IBTK: variants seen among roughly 807,000 people sequenced by gnomAD.
IBTK encodes the protein inhibitor of Bruton tyrosine kinase.
Under a neutral mutation model 154.9 loss-of-function variants are expected in IBTK, and 83 were observed. That is an observed-to-expected ratio of 0.54 (90% CI 0.45 to 0.64). IBTK has a LOEUF of 0.64. Ranked by LOEUF, IBTK falls within the 30% of genes least tolerant of loss-of-function variation. The pLI, the probability that IBTK is intolerant of heterozygous loss-of-function variation, is 0.00. For missense variants in IBTK, 1,332 were observed against 1,584.6 expected, an observed-to-expected ratio of 0.84 and a Z score of 2.71; for synonymous variants, 515 against 536.1, an observed-to-expected ratio of 0.96 and a Z score of 0.54.
chr6:82,234,867 T>C (rs1186799883), intron 2 of IBTK, among the ~76,000 whole-genome samples: 3 of 152,088 alleles, frequency 2.0e-5, no homozygotes, highest in African/African-American at 4.8e-5. Context: ...TGTGAACTTT[T>C]TTTTGCAGGG....
At chr6:82,215,977 A>C in intron 11 of IBTK, 99 bp downstream of exon 11, 1 of 795,514 alleles carries the variant, frequency 1.3e-6, no homozygotes, top group Non-Finnish European at 2.0e-6. Flanking sequence ...AGGTCTTGGC[A>C]ACAGCTCTTC....
chr6:82,225,561 A>G lies in IBTK; in HGVS notation c.741T>C (p.Asp247=). Residue 247 remains aspartate (D), a synonymous_variant, in exon 6 of 29, where the codon GAT becomes GAC. Coordinates refer to ENST00000306270, the MANE Select transcript of IBTK (RefSeq NM_015525.4). ...AKDHTVVLTE[D]GCVYTFGLNI... ...TTAGACCAAATGTATAAACACATCC[A>G]TCTTCAGTTAATACAACAGTATGAT... 2 of 1,612,778 alleles carry G rather than the reference A, an allele frequency of 1.2e-6. No homozygotes were observed. The highest frequency in any genetic ancestry group is 2.2e-5 in the South Asian group (2 of 91,022).
chr6:82,183,280 C>T (rs1357486475), intron 25 of IBTK, among the ~76,000 whole-genome samples: 1 of 151,918 alleles, frequency 6.6e-6, no homozygotes, highest in Non-Finnish European at 1.5e-5. Context: ...CATGGTGGCA[C>T]ACACCTGTAA....
chr6:82,224,305 C>A, intron 6 of IBTK, 120 bp from the exon 7 acceptor site: 1 of 703,962 alleles, frequency 1.4e-6, no homozygotes, highest in East Asian at 2.6e-5. Context: ...CACTCAAGTG[C>A]AATTGGCAGT....
intron 15 of IBTK, 76 bp downstream of exon 15, chr6:82,211,291 T>G: frequency 8.6e-7 from 1 of 1,166,774 alleles, no homozygotes; most frequent in Admixed American, 2.5e-5. Context: ...TGATTTTGAA[T>G]TTCTTTACTA....
intron 22 of IBTK, among the ~76,000 whole-genome samples, chr6:82,196,028 T>A (rs1768972951): frequency 6.6e-6 from 1 of 152,218 alleles, no homozygotes; most frequent in African/African-American, 2.4e-5. Flanking sequence ...TTTTTCAACA[T>A]GTCTATAGTG....
At chr6:82,172,585 T>C in intron 27 of IBTK, 73 bp from the exon 28 acceptor site, 1 of 1,367,412 alleles carries the variant, frequency 7.3e-7, no homozygotes, top group Non-Finnish European at 1.0e-6. Context: ...CTGAAATACT[T>C]TTTAGCAATG....
intron 23 of IBTK, among the ~76,000 whole-genome samples, chr6:82,193,089 CTG>C (rs56070614): frequency 0.29 from 42,962 of 147,554 alleles, 6,544 homozygotes; most frequent in Non-Finnish European, 0.34. Flanking sequence ...CAGAGCAAGA[CTG>C]TCTCAAAAAA....
At position 82,214,451 on chromosome 6, in the gene IBTK, A is replaced by G; in HGVS notation, c.1980T>C (p.Tyr660=). ...RIHLNKNPEE[Y]QGTLNSHLNK... The stretch of plus-strand genomic sequence containing the variant: ...TCAAATGAGAATTCAGAGTTCCCTG[A>G]TATTCTTCTGGGTTTTTGTTTAAGT... Residue 660 remains tyrosine (Y), a synonymous_variant, in exon 12 of 29, where the codon TAT becomes TAC. Transcript: ENST00000306270. 6.2e-7 allele frequency: 1 copy of G among 1,613,994 alleles called. No individual in the cohort carries two copies. Among genetic ancestry groups the G allele is most frequent in the Non-Finnish European group, 8.5e-7 (1 of 1,179,924 alleles).
intron 4 of IBTK, among the ~76,000 whole-genome samples, chr6:82,230,868 C>T (rs552378767): frequency 9.4e-4 from 143 of 152,154 alleles, no homozygotes; most frequent in African/African-American, 3.1e-3. Flanking sequence ...AGACCACAGA[C>T]CAAATCTTTA....
At chr6:82,191,749 A>G in intron 24 of IBTK, 38 bp downstream of exon 24, 1 of 1,219,212 alleles carries the variant, frequency 8.2e-7, no homozygotes, top group Non-Finnish European at 1.2e-6. Context: ...GGGCAGAAAT[A>G]CAACATGAAA....
chr6:82,211,426 T>C, intron 14 of IBTK, 22 bp from the exon 15 acceptor site: 1 of 1,606,804 alleles, frequency 6.2e-7, no homozygotes, highest in South Asian at 1.1e-5. Flanking sequence ...AAAAGTTCAA[T>C]GCAATAAGAA....
At chr6:82,228,866 C>T (rs1770394958) in intron 4 of IBTK, among the ~76,000 whole-genome samples, 1 of 152,056 alleles carries the variant, frequency 6.6e-6, no homozygotes, top group South Asian at 2.1e-4. Flanking sequence ...CGTGATCTGC[C>T]CGCCTCAGCC....
intron 20 of IBTK, 134 bp from the exon 21 acceptor site, chr6:82,200,387 A>G: frequency 1.3e-6 from 1 of 741,774 alleles, no homozygotes; most frequent in Non-Finnish European, 2.2e-6. Context: ...AGACCTACAG[A>G]TATTAATTAT....
chr6:82,195,486 G>A (rs1478873199), intron 22 of IBTK, among the ~76,000 whole-genome samples: 1 of 151,858 alleles, frequency 6.6e-6, no homozygotes, highest in Non-Finnish European at 1.5e-5. Flanking sequence ...GCTTAGGTGG[G>A]AGAATCACCT....
intron 25 of IBTK, 35 bp from the exon 26 acceptor site, chr6:82,182,063 C>T: frequency 6.4e-7 from 1 of 1,572,982 alleles, no homozygotes. Context: ...TTAAAACATC[C>T]ATTTTGTAAA....
chr6:82,247,481 A>T, intron 1 of IBTK, 81 bp downstream of exon 1: 1 of 397,888 alleles, frequency 2.5e-6, no homozygotes, highest in Non-Finnish European at 4.4e-6. Flanking sequence ...CGCACCCTCC[A>T]GAAGGCGAAT....
chr6:82,240,344 T>C lies in IBTK; in HGVS notation c.143A>G (p.Lys48Arg), dbSNP rs1770891695. The C allele has an allele frequency of 1.2e-6, 2 of 1,614,190 alleles. No individual in the cohort carries two copies. Among genetic ancestry groups the C allele is most frequent in the Non-Finnish European group, 1.7e-6 (2 of 1,180,034 alleles). Residue 48 changes from lysine to arginine, a missense_variant, in exon 2 of 29, where the codon AAG becomes AGG. By Grantham distance (26) the Lys-to-Arg change is conservative. Transcript: ENST00000306270. ...GAGGGCATTCCTGCCAAAAACATCC[T>C]TGATAGTTGCAGCATTGTAACAATG... ...SSHCYNAATI[K>R]DVFGRNALHL...
chr6:82,211,626 A>C, intron 13 of IBTK, 54 bp from the exon 14 acceptor site: 2 of 1,401,924 alleles, frequency 1.4e-6, no homozygotes, highest in Non-Finnish European at 2.0e-6. Flanking sequence ...TATTTAGTGA[A>C]AAAGATTATA....
Sources: gnomAD v4.1 joint callset for allele counts (sites outside exome capture counted in the v4.1 genomes callset) on GRCh38, gnomAD v4.1.1 for gene constraint, MANE v1.5 for transcripts, NCBI Gene and HGNC (gene_info 2026-07-23, HGNC 2026-07-21) for gene names.